The following SLC25A37 variants were observed in gnomAD, a reference collection of about 807,000 sequenced individuals.
SLC25A37 encodes the protein solute carrier family 25 member 37.
Under a neutral mutation model 31.0 loss-of-function variants are expected in SLC25A37, and 17 were observed. That is an observed-to-expected ratio of 0.55 (90% CI 0.38 to 0.82). The LOEUF is 0.82. SLC25A37 is among the 40% of genes least tolerant of loss of function. The pLI, the probability that SLC25A37 is intolerant of heterozygous loss-of-function variation, is 0.00. For missense variants in SLC25A37, 404 were observed against 465.8 expected, an observed-to-expected ratio of 0.87 and a Z score of 1.22; for synonymous variants, 222 against 193.0, an observed-to-expected ratio of 1.15 and a Z score of -1.24.
Position 23,544,083 on chromosome 8 carries a change from C to T in SLC25A37, c.210+14871C>T, listed in dbSNP as rs1801972755. 2.6e-5 allele frequency among the ~76,000 whole-genome samples: 4 copies of T among 152,106 alleles called. 1 individual carries two copies. Among genetic ancestry groups the T allele is most frequent in the Admixed American group, 2.6e-4 (4 of 15,274 alleles). On this transcript the variant is annotated intron_variant, in intron 1 of 3. Transcript: ENST00000519973. ...CCATGTTGGCCAGGCTGGTCTCGAA[C>T]TCCCAACCTCAAGTGATCCACCTGC...
At chr8:23,550,266 C>T (rs1802188604) in intron 1 of SLC25A37, among the ~76,000 whole-genome samples, 1 of 102,896 alleles carries the variant, frequency 9.7e-6, no homozygotes, top group South Asian at 2.8e-4. Context: ...TCTCTGAATC[C>T]GTGGTAGTCA....
At chr8:23,535,485 T>C (rs1801747643) in intron 1 of SLC25A37, among the ~76,000 whole-genome samples, 1 of 152,210 alleles carries the variant, frequency 6.6e-6, no homozygotes, top group African/African-American at 2.4e-5. Context: ...TCCTTTAAGG[T>C]ATATCAATGT....
rs900459237 is a variant in SLC25A37, at chr8:23,556,949, C to T, written c.211-9159C>T. Among the ~76,000 whole-genome samples, 4 of 152,228 alleles carry T rather than the reference C, an allele frequency of 2.6e-5. No homozygotes were observed. The South Asian group carries it at 6.2e-4, about 24-fold the overall frequency. On this transcript the variant is annotated intron_variant, in intron 1 of 3. Transcript: ENST00000519973. ...CACTGCAACCTCCACCTCCTGAGTT[C>T]GAGCGACTCTCCTGCCTCAGCCTCC...
At chr8:23,547,888 T>C (rs1802110492) in intron 1 of SLC25A37, among the ~76,000 whole-genome samples, 1 of 152,242 alleles carries the variant, frequency 6.6e-6, no homozygotes, top group African/African-American at 2.4e-5. Flanking sequence ...CAGATGCTTC[T>C]GGAAGGCTCT....
At chr8:23,552,667 G>A (rs1585189354) in intron 1 of SLC25A37, among the ~76,000 whole-genome samples, 2 of 152,180 alleles carry the variant, frequency 1.3e-5, no homozygotes, top group African/African-American at 4.8e-5. Context: ...CAACCAGAAC[G>A]TACGTTACTT....
chr8:23,540,563 A>T (rs1801868544), intron 1 of SLC25A37, among the ~76,000 whole-genome samples: 1 of 152,154 alleles, frequency 6.6e-6, no homozygotes, highest in African/African-American at 2.4e-5. Context: ...TTGCCACAGG[A>T]TATTTTTGGC....
At chr8:23,563,394 C>T (rs1329583374) in intron 1 of SLC25A37, among the ~76,000 whole-genome samples, 1 of 152,128 alleles carries the variant, frequency 6.6e-6, no homozygotes, top group African/African-American at 2.4e-5. Context: ...AGTATATTGC[C>T]CAGGTTGGTC....
chr8:23,555,894 G>A (rs576264117), intron 1 of SLC25A37, among the ~76,000 whole-genome samples: 2 of 152,360 alleles, frequency 1.3e-5, no homozygotes, highest in African/African-American at 4.8e-5. Context: ...TGTAGGTGAG[G>A]CAGGGAAAGC....
At chr8:23,559,559 C>G (rs1354794678) in intron 1 of SLC25A37, among the ~76,000 whole-genome samples, 4 of 152,204 alleles carry the variant, frequency 2.6e-5, no homozygotes, top group African/African-American at 7.2e-5. Context: ...TACATTCATA[C>G]TATTACACAA....
At chr8:23,542,562 A>G (rs1333201079) in intron 1 of SLC25A37, among the ~76,000 whole-genome samples, 1 of 151,782 alleles carries the variant, frequency 6.6e-6, no homozygotes, top group Non-Finnish European at 1.5e-5. Flanking sequence ...TATTTTTGGT[A>G]GAGACAGGGT....
At chr8:23,533,039 C>A (rs1168511161) in intron 1 of SLC25A37, among the ~76,000 whole-genome samples, 1 of 152,076 alleles carries the variant, frequency 6.6e-6, no homozygotes, top group Non-Finnish European at 1.5e-5. Flanking sequence ...CCCTCACATC[C>A]CCCTGCTCCC....
In SLC25A37 at chr8:23,531,211, A is replaced by T. The variant is rs145630181; in HGVS notation, c.210+1999A>T. 2.4e-4 allele frequency among the ~76,000 whole-genome samples: 36 copies of T among 152,344 alleles called. No homozygotes were observed. In the East Asian group the frequency reaches 6.6e-3, roughly 28 times the overall value. On this transcript the variant is annotated intron_variant, in intron 1 of 3. Transcript: ENST00000519973. The stretch of plus-strand genomic sequence containing the variant: ...CTGCCACTGAGTGCCAAGGTCTGCC[A>T]ACATCAGCACAGTTGTCTGCCAAGC...
At chr8:23,542,532 G>A (rs112022200) in intron 1 of SLC25A37, among the ~76,000 whole-genome samples, 79 of 151,820 alleles carry the variant, frequency 5.2e-4, no homozygotes, top group African/African-American at 1.7e-3. Context: ...GGCATGCACC[G>A]CCACGCACGG....
intron 1 of SLC25A37, among the ~76,000 whole-genome samples, chr8:23,554,226 A>C (rs1463581343): frequency 6.6e-6 from 1 of 152,170 alleles, no homozygotes; most frequent in East Asian, 1.9e-4. Flanking sequence ...TATTGTTATA[A>C]TTATTTTGTA....
chr8:23,533,517 G>T (rs748527385), intron 1 of SLC25A37, among the ~76,000 whole-genome samples: 11 of 152,190 alleles, frequency 7.2e-5, no homozygotes, highest in Non-Finnish European at 1.5e-4. Context: ...GTTTTGTCCT[G>T]TCTTGCAGCA....
chr8:23,555,240 CCAGT>C lies in SLC25A37; in HGVS notation c.211-10865_211-10862del, dbSNP rs1331682062. Among the ~76,000 whole-genome samples the C allele has an allele frequency of 5.9e-5, 9 of 152,228 alleles. No individual in the cohort carries two copies. In the South Asian group the frequency reaches 8.3e-4, roughly 14 times the overall value. ...CATGCCAAATTTGTCTTTTTCTTTCCCAGTCAAAGTAACATATGTACATAGTCAC... is the reference window on the plus strand; with the variant it reads ...CATGCCAAATTTGTCTTTTTCTTTCCCAAAGTAACATATGTACATAGTCAC... On this transcript the variant is annotated intron_variant, in intron 1 of 3. Transcript: ENST00000519973.
At chr8:23,546,502 T>G (rs61271980) in intron 1 of SLC25A37, among the ~76,000 whole-genome samples, 48,238 of 133,826 alleles carry the variant, frequency 0.36, 10,864 homozygotes, top group East Asian at 0.59. Context: ...TGTGTGTATA[T>G]ATATATATAG....
At chr8:23,549,461 G>A (rs918036131) in intron 1 of SLC25A37, among the ~76,000 whole-genome samples, 9 of 152,260 alleles carry the variant, frequency 5.9e-5, no homozygotes, top group Admixed American at 2.0e-4. Context: ...CAAAAGCTTC[G>A]GAAGTAATTT....
intron 3 of SLC25A37, 47 bp downstream of exon 3, chr8:23,568,425 G>A: frequency 6.2e-7 from 1 of 1,610,284 alleles, no homozygotes; most frequent in Middle Eastern, 1.7e-4. Context: ...ATGTGCAAAG[G>A]GGCACAAAAA....
Sources: allele counts gnomAD v4.1 joint callset (sites outside exome capture counted in the v4.1 genomes callset), GRCh38; gene constraint gnomAD v4.1.1; transcripts MANE v1.5; gene names NCBI Gene and HGNC (gene_info 2026-07-23, HGNC 2026-07-21).